Variants in FRMD3 observed in about 807,000 individuals in gnomAD.
The protein encoded by FRMD3 is FERM domain containing 3.
A neutral mutation model predicts 70.2 loss-of-function variants in FRMD3; 33 were observed. The ratio of observed to expected loss-of-function variants is 0.47; its 90% CI spans 0.36 to 0.63. The LOEUF is 0.63. FRMD3 is among the 20% of genes least tolerant of loss of function. The pLI is 0.00. For synonymous variants in FRMD3, 279 were observed against 255.9 expected (o/e 1.09, Z -0.86); for missense variants, 632 against 711.4 (o/e 0.89, Z 1.27).
At chr9:83,338,608 C>T (rs143556954) in intron 5 of FRMD3, among the ~76,000 whole-genome samples, 50 of 151,872 alleles carry the variant, frequency 3.3e-4, no homozygotes, top group African/African-American at 1.2e-3. Flanking sequence ...GTGTTCTGAG[C>T]GTAAGAAGGA....
chr9:83,358,407 C>G (rs185953632), intron 3 of FRMD3, among the ~76,000 whole-genome samples: 31 of 152,152 alleles, frequency 2.0e-4, no homozygotes, highest in Non-Finnish European at 3.8e-4. Context: ...CTTGCTTTGT[C>G]TATGTGGGCT....
In FRMD3 at chr9:83,370,203, CTT is replaced by C. The variant is rs549671784; in HGVS notation, c.295+2708_295+2709del. Among the ~76,000 whole-genome samples, 7 of 152,310 alleles carry C rather than the reference CTT, an allele frequency of 4.6e-5. No homozygotes were observed. In the East Asian group the frequency reaches 1.3e-3, roughly 29 times the overall value. ...GCCACTGGGGCTCTGTGACCAGACT[CTT>C]TCGATAAATTCATGGACAAGTCCCC... On this transcript the variant is annotated intron_variant, in intron 3 of 13. Coordinates refer to ENST00000304195, the MANE Select transcript of FRMD3 (RefSeq NM_174938.6).
intron 1 of FRMD3, among the ~76,000 whole-genome samples, chr9:83,391,876 G>A (rs938984268): frequency 6.6e-6 from 1 of 152,146 alleles, no homozygotes; most frequent in African/African-American, 2.4e-5. Context: ...TCACAGAGCA[G>A]CAGCCTCAGT....
rs182521075 is a variant in FRMD3, at chr9:83,248,282, C to T, written c.1430G>A (p.Arg477Lys). 4.6e-5 allele frequency: 75 copies of T among 1,614,180 alleles called. No homozygotes were observed. The African/African-American group carries it at 7.2e-4, about 15-fold the overall frequency. Residue 477 changes from arginine (R) to lysine (K), a missense_variant, in exon 14 of 14, where the codon AGA becomes AAA. By Grantham distance (26) the Arg-to-Lys change is conservative. Transcript: ENST00000304195. ...ATCCTCAAATGAATCTGTGTCTTCT[C>T]TTTCCAACTCAAGCCTAGAAGGACA... ...FDCPSRLELEREDTDSFEDLE... is the reference protein window; with the variant it reads ...FDCPSRLELEKEDTDSFEDLE...
chr9:83,295,084 T>C (rs971784476), intron 12 of FRMD3, among the ~76,000 whole-genome samples: 7 of 152,214 alleles, frequency 4.6e-5, no homozygotes, highest in African/African-American at 1.7e-4. Context: ...ACTCCCAGCA[T>C]AGAATGGTCT....
At chr9:83,584,449 A>G in the FRMD3 span, among the ~76,000 whole-genome samples, 1 of 151,846 alleles carries the variant, frequency 6.6e-6, no homozygotes, top group African/African-American at 2.4e-5. Context: ...TCCACATCCA[A>G]TCAGCCTCCT....
Position 83,246,782 on chromosome 9 carries a change from T to G in FRMD3, c.*1136A>C. 1.0e-6 allele frequency: 1 copy of G among 985,300 alleles called. No homozygotes were observed. The highest frequency in any genetic ancestry group is 1.2e-6 in the Non-Finnish European group (1 of 829,890). 61.0% of individuals were successfully genotyped at this position (985,300 alleles called of 1,614,324 possible). On this transcript the variant is annotated 3_prime_UTR_variant, in exon 14 of 14. Transcript: ENST00000304195. ...TATTTACCTTAAAGTTTCTCCACTT[T>G]TATTTAGATCCACTTAAACATGTTC... is the stretch of plus-strand genomic sequence containing the variant.
chr9:83,379,662 T>C (rs908243712), intron 2 of FRMD3, among the ~76,000 whole-genome samples: 1 of 152,190 alleles, frequency 6.6e-6, no homozygotes, highest in African/African-American at 2.4e-5. Context: ...CAGCAGATAC[T>C]GTCAAGCCCC....
chr9:83,400,068 A>G (rs936383253), intron 1 of FRMD3, among the ~76,000 whole-genome samples: 3 of 150,836 alleles, frequency 2.0e-5, no homozygotes, highest in African/African-American at 5.0e-5. Context: ...AGGTATGCAG[A>G]TTGGGAAGGA....
At chr9:83,304,196 C>T (rs111935854) in intron 10 of FRMD3, among the ~76,000 whole-genome samples, 1 of 152,266 alleles carries the variant, frequency 6.6e-6, no homozygotes, top group African/African-American at 2.4e-5. Flanking sequence ...CTGCTATGAA[C>T]GCTTGTGCAC....
At chr9:83,357,212 G>A (rs1473959709) in intron 3 of FRMD3, among the ~76,000 whole-genome samples, 10 of 42,216 alleles carry the variant, frequency 2.4e-4, no homozygotes, top group Admixed American at 1.1e-3. Context: ...TAACATACAT[G>A]GAATATATAT....
At chr9:83,535,216 C>T (rs1261621777) in intron 1 of FRMD3, among the ~76,000 whole-genome samples, 1 of 152,172 alleles carries the variant, frequency 6.6e-6, no homozygotes. Flanking sequence ...GAGAGATGCT[C>T]AAGAAATGGC....
rs904485620 is a variant in FRMD3 at position 83,467,650 on chromosome 9, C to T, written c.147+70435G>A. 6 of 1,534,938 alleles carry T rather than the reference C, an allele frequency of 3.9e-6. No individual in the cohort carries two copies. The East Asian group carries it at 9.8e-5, about 25-fold the overall frequency. ...AGCTGCATAAGCAGGTCTCCTTGTGCCTTGCCAAGACAAAAAGGATTTGCA... is the reference window on the plus strand; with the variant it reads ...AGCTGCATAAGCAGGTCTCCTTGTGTCTTGCCAAGACAAAAAGGATTTGCA... On this transcript the variant is annotated intron_variant, in intron 1 of 13. Coordinates refer to ENST00000304195, the MANE Select transcript of FRMD3 (RefSeq NM_174938.6).
the FRMD3 span, among the ~76,000 whole-genome samples, chr9:83,568,947 GATAGATAGATAC>G: frequency 8.4e-4 from 87 of 103,188 alleles, no homozygotes; most frequent in Middle Eastern, 0.023. Flanking sequence ...TAGATAGATA[GATAGATAGATAC>G]ATACATACAT....
At chr9:83,534,062 T>C (rs1829842655) in intron 1 of FRMD3, among the ~76,000 whole-genome samples, 1 of 152,188 alleles carries the variant, frequency 6.6e-6, no homozygotes, top group South Asian at 2.1e-4. Flanking sequence ...GAATGAAGAA[T>C]TAGAGTCAAA....
intron 1 of FRMD3, among the ~76,000 whole-genome samples, chr9:83,435,985 T>A (rs1048030077): frequency 6.6e-6 from 1 of 152,062 alleles, no homozygotes; most frequent in African/African-American, 2.4e-5. Flanking sequence ...CCCCACAAAC[T>A]AATTATTTAA....
Position 83,355,349 on chromosome 9 carries a change from G to C in FRMD3, c.296-5592C>G, listed in dbSNP as rs182346224. Among the ~76,000 whole-genome samples, 645 of 152,256 alleles carry C rather than the reference G, an allele frequency of 4.2e-3. 1 individual carries two copies. The highest frequency in any genetic ancestry group is 0.015 in the African/African-American group (623 of 41,542). On this transcript the variant is annotated intron_variant, in intron 3 of 13. Coordinates refer to ENST00000304195, the MANE Select transcript of FRMD3 (RefSeq NM_174938.6). Reference sequence around the variant, plus strand: ...AGCCCTCTCCCAACAGTATTATCATGAACAGCCACTGTGCATCTTTACTAG... The same window carrying C: ...AGCCCTCTCCCAACAGTATTATCATCAACAGCCACTGTGCATCTTTACTAG...
In FRMD3 at chr9:83,404,122, A is replaced by G. The variant is rs556220059; in HGVS notation, c.148-14414T>C. 2.4e-4 allele frequency among the ~76,000 whole-genome samples: 36 copies of G among 152,210 alleles called. No homozygotes were observed. The South Asian group carries it at 7.5e-3, about 32-fold the overall frequency. On this transcript the variant is annotated intron_variant, in intron 1 of 13. Transcript: ENST00000304195. ...GGCACGCACACAAGAACGATTTGTC[A>G]CAAATATTTAAAGACTGGAAGATGT...
chr9:83,348,638 C>T (rs1824041576), intron 4 of FRMD3, among the ~76,000 whole-genome samples: 1 of 152,018 alleles, frequency 6.6e-6, no homozygotes, highest in Non-Finnish European at 1.5e-5. Context: ...TGAATTTTAC[C>T]TCAATGAAAA....
Sources: gnomAD v4.1 joint callset for allele counts (sites outside exome capture counted in the v4.1 genomes callset) on GRCh38, gnomAD v4.1.1 for gene constraint, MANE v1.5 for transcripts, NCBI Gene and HGNC (gene_info 2026-07-23, HGNC 2026-07-21) for gene names.